Variants in PRKCI observed in about 807,000 individuals in gnomAD.
PRKCI encodes the protein protein kinase C iota type.
A neutral mutation model predicts 84.0 loss-of-function variants in PRKCI; 43 were observed. The observed-to-expected ratio is 0.51, with a 90% CI of 0.40 to 0.66. The LOEUF (loss-of-function observed/expected upper bound fraction) is 0.66, where lower values mean the gene tolerates loss of function less well. Among genes scored for constraint, PRKCI ranks in the 30% least tolerant of loss-of-function variants. PRKCI has a pLI of 0.00. For missense variants in PRKCI, 459 were observed against 745.6 expected, an observed-to-expected ratio of 0.62 and a Z score of 4.48; for synonymous variants, 216 against 234.4, an observed-to-expected ratio of 0.92 and a Z score of 0.72.
At chr3:170,241,162 T>C (rs1268202384) in intron 2 of PRKCI, among the ~76,000 whole-genome samples, 2 of 152,208 alleles carry the variant, frequency 1.3e-5, no homozygotes, top group Admixed American at 1.3e-4. Context: ...AACACATCTA[T>C]TACCTCAAAT....
intron 3 of PRKCI, among the ~76,000 whole-genome samples, chr3:170,260,601 C>T (rs1733699761): frequency 6.6e-6 from 1 of 152,178 alleles, no homozygotes; most frequent in East Asian, 1.9e-4. Flanking sequence ...TACAGGTGTG[C>T]ACCACCATGG....
rs1225351390 is a variant in PRKCI at position 170,303,093 on chromosome 3, A to G, written c.1757A>G (p.Asn586Ser). 2 of 1,605,042 alleles carry G rather than the reference A, an allele frequency of 1.2e-6. No homozygotes were observed. The highest frequency in any genetic ancestry group is 2.7e-5 in the African/African-American group (2 of 74,522). ...GAATTTGAAGGTTTTGAGTATATCA[A>G]TCCTCTTTTGATGTCTGCAGAAGAA... Reference protein sequence around the residue: ...QSEFEGFEYINPLLMSAEECV With the variant: ...QSEFEGFEYISPLLMSAEECV The change falls in exon 18 of 18, where the codon AAT becomes AGT. Residue 586 changes from asparagine (N) to serine (S), a missense_variant. Coordinates refer to ENST00000295797, the MANE Select transcript of PRKCI (RefSeq NM_002740.6).
intron 2 of PRKCI, among the ~76,000 whole-genome samples, chr3:170,240,844 G>A (rs1198649792): frequency 6.6e-6 from 1 of 152,034 alleles, no homozygotes; most frequent in Non-Finnish European, 1.5e-5. Context: ...CTTTTTCCTT[G>A]TACTCAAAAC....
intron 6 of PRKCI, among the ~76,000 whole-genome samples, chr3:170,272,752 T>C (rs1418986479): frequency 6.6e-6 from 1 of 152,226 alleles, no homozygotes; most frequent in Non-Finnish European, 1.5e-5. Context: ...GGGTTTGAAT[T>C]TACCTTTTTC....
At chr3:170,225,561 A>ACTTTT (rs998305771) in intron 1 of PRKCI, among the ~76,000 whole-genome samples, 1 of 149,620 alleles carries the variant, frequency 6.7e-6, no homozygotes, top group Non-Finnish European at 1.5e-5. Flanking sequence ...ATCCCTCTAC[A>ACTTTT]CTTTTCTTTT....
intron 3 of PRKCI, among the ~76,000 whole-genome samples, chr3:170,261,245 G>T (rs1361740046): frequency 6.6e-6 from 1 of 151,272 alleles, no homozygotes; most frequent in Non-Finnish European, 1.5e-5. Context: ...GATTAGAGGT[G>T]TGAACCACCA....
At chr3:170,259,854 T>G in intron 2 of PRKCI, 115 bp from the exon 3 acceptor site, 1 of 492,430 alleles carries the variant, frequency 2.0e-6, no homozygotes, top group Non-Finnish European at 3.6e-6. Context: ...TTGTCATATA[T>G]TTGTTTATAA....
At chr3:170,263,819 A>T (rs1478980548) in intron 4 of PRKCI, among the ~76,000 whole-genome samples, 2 of 152,152 alleles carry the variant, frequency 1.3e-5, no homozygotes, top group Non-Finnish European at 2.9e-5. Context: ...AAAAAAGGAA[A>T]TAGAAGTTCT....
intron 8 of PRKCI, 68 bp from the exon 9 acceptor site, chr3:170,280,159 G>T: frequency 7.7e-7 from 1 of 1,296,070 alleles, no homozygotes; most frequent in East Asian, 2.4e-5. Context: ...GTACAACTAG[G>T]TGTTAGAAAT....
Position 170,303,163 on chromosome 3 carries a change from C to G in PRKCI, c.*36C>G. 1.4e-6 allele frequency: 2 copies of G among 1,465,736 alleles called. No individual in the cohort carries two copies. Among genetic ancestry groups the G allele is most frequent in the Non-Finnish European group, 1.9e-6 (2 of 1,068,006 alleles). The allele number at this position is 1,465,736 out of a possible 1,614,324, so 90.8% of individuals were successfully genotyped here. ...TCAACCATGTATTCTACTCATGTTG[C>G]CATTTAATGCATGGATAAACTTGCT... is the stretch of plus-strand genomic sequence containing the variant. On this transcript the variant is annotated 3_prime_UTR_variant, in exon 18 of 18. Coordinates refer to ENST00000295797, the MANE Select transcript of PRKCI (RefSeq NM_002740.6).
rs371799261 is a variant in PRKCI at position 170,299,108 on chromosome 3, C to G, written c.1701C>G (p.Asp567Glu). The G allele has an allele frequency of 6.4e-7, 1 of 1,573,410 alleles. No homozygotes were observed. Among genetic ancestry groups the G allele is most frequent in the Admixed American group, 1.9e-5 (1 of 51,536 alleles). Residue 567 changes from aspartate to glutamate, a missense_variant and splice_region_variant, in exon 17 of 18, where the codon GAC becomes GAG. Asp to Glu is a conservative substitution (Grantham distance 45). This residue lies in a region of PRKCI where 209 missense variants were observed against 425.9 expected (regional missense o/e 0.49). Coordinates refer to ENST00000295797, the MANE Select transcript of PRKCI (RefSeq NM_002740.6). ...TNEPVQLTPD[D>E]DDIVRKIDQS... The stretch of plus-strand genomic sequence containing the variant: ...AACCTGTCCAGCTCACTCCAGATGA[C>G]GAGTAAGTAATTCTGTACACTGAAA...
At chr3:170,262,387 G>A (rs2108849705) in intron 3 of PRKCI, among the ~76,000 whole-genome samples, 1 of 151,996 alleles carries the variant, frequency 6.6e-6, no homozygotes, top group East Asian at 1.9e-4. Context: ...ATTAGTTAAT[G>A]ATTTCTTTAA....
chr3:170,305,228 A>G lies in PRKCI; in HGVS notation c.*2101A>G, dbSNP rs373489077. The G allele has an allele frequency of 1.2e-4, 18 of 152,752 alleles. No homozygotes were observed. The East Asian group carries it at 3.1e-3, about 26-fold the overall frequency. 9.5% of individuals were successfully genotyped at this position (152,752 alleles called of 1,614,324 possible). A position where few individuals can be genotyped will look rare whatever the true frequency, so the allele number is the denominator to read the frequency against. On this transcript the variant is annotated 3_prime_UTR_variant, in exon 18 of 18. Coordinates refer to ENST00000295797, the MANE Select transcript of PRKCI (RefSeq NM_002740.6). The stretch of plus-strand genomic sequence containing the variant: ...TGGAATGTGAAATAATCACCTAGGA[A>G]GTTGGTTTAAAATGCACACTAGTGA...
At chr3:170,274,924 A>G (rs1422786421) in intron 7 of PRKCI, among the ~76,000 whole-genome samples, 1 of 152,188 alleles carries the variant, frequency 6.6e-6, no homozygotes, top group Non-Finnish European at 1.5e-5. Flanking sequence ...TGTTTGATTA[A>G]TTTGTAAAGA....
intron 11 of PRKCI, among the ~76,000 whole-genome samples, chr3:170,282,170 T>G (rs1734264323): frequency 6.6e-6 from 1 of 152,202 alleles, no homozygotes; most frequent in African/African-American, 2.4e-5. Flanking sequence ...TACACATACA[T>G]GTACATACAC....
At chr3:170,233,296 A>G (rs770189982) in intron 1 of PRKCI, among the ~76,000 whole-genome samples, 20 of 150,530 alleles carry the variant, frequency 1.3e-4, no homozygotes, top group Non-Finnish European at 2.8e-4. Flanking sequence ...GAATATAGGC[A>G]CATTGAAAGC....
chr3:170,234,446 A>G (rs1304406997), intron 1 of PRKCI, among the ~76,000 whole-genome samples: 2 of 152,220 alleles, frequency 1.3e-5, no homozygotes, highest in African/African-American at 4.8e-5. Context: ...TTGTTTACAA[A>G]TATGTTTACC....
rs115932879 is a variant in PRKCI, at chr3:170,249,551, G to A, written c.224-10418G>A. Reference sequence around the variant, plus strand: ...CGCCTGTAATCCCAGCACTTTTGGAGACCAAGGTGAGACGATTGCTTGAGC... The same window carrying A: ...CGCCTGTAATCCCAGCACTTTTGGAAACCAAGGTGAGACGATTGCTTGAGC... On this transcript the variant is annotated intron_variant, in intron 2 of 17. Transcript: ENST00000295797. 6.6e-3 allele frequency among the ~76,000 whole-genome samples: 1,002 copies of A among 152,256 alleles called. 9 individuals carry two copies. Among genetic ancestry groups the A allele is most frequent in the African/African-American group, 0.023 (955 of 41,568 alleles).
At chr3:170,249,314 TA>T (rs1296641953) in intron 2 of PRKCI, among the ~76,000 whole-genome samples, 1 of 152,112 alleles carries the variant, frequency 6.6e-6, no homozygotes, top group Non-Finnish European at 1.5e-5. Context: ...AATTTGGACT[TA>T]AGGTTTTAAT....
Sources: gnomAD v4.1 joint callset for allele counts (sites outside exome capture counted in the v4.1 genomes callset) on GRCh38, gnomAD v4.1.1 for gene constraint, gnomAD v4.1.1 regional missense constraint, MANE v1.5 for transcripts, NCBI Gene and HGNC (gene_info 2026-07-23, HGNC 2026-07-21) for gene names.